THADA: variants seen among roughly 807,000 people sequenced by gnomAD.
THADA encodes the protein THADA armadillo repeat containing, also known as tRNA (32-2'-O)-methyltransferase regulator THADA.
THADA carries 213 observed loss-of-function variants against 219.8 expected under a neutral mutation model. The ratio of observed to expected loss-of-function variants is 0.97; its 90% CI spans 0.87 to 1.09. The LOEUF (loss-of-function observed/expected upper bound fraction) is 1.09. Among genes scored for constraint, THADA ranks in the 50% least tolerant of loss-of-function variants. The probability of loss-of-function intolerance (pLI) is 0.00; values close to 1 mark genes in which losing one functional copy is unlikely to be tolerated. For synonymous variants in THADA, 1,018 were observed against 828.9 expected (o/e 1.23, Z -3.92); for missense variants, 2,956 against 2,311.3 (o/e 1.28, Z -5.72).
intron 31 of THADA, among the ~76,000 whole-genome samples, chr2:43,296,730 T>A (rs931874675): frequency 4.6e-5 from 7 of 152,332 alleles, no homozygotes; most frequent in African/African-American, 1.4e-4. Context: ...CATTTCCCTA[T>A]CCTTCCTACC....
At chr2:43,487,646 T>C (rs1328775885) in intron 25 of THADA, among the ~76,000 whole-genome samples, 4 of 152,150 alleles carry the variant, frequency 2.6e-5, no homozygotes, top group South Asian at 4.1e-4. Flanking sequence ...TGGAGGCCCT[T>C]GGGAAATAAT....
intron 26 of THADA, among the ~76,000 whole-genome samples, chr2:43,465,690 C>T (rs1684148346): frequency 6.6e-6 from 1 of 152,214 alleles, no homozygotes; most frequent in African/African-American, 2.4e-5. Flanking sequence ...ACCCTAGCCC[C>T]TCTGGGTGAT....
intron 27 of THADA, 62 bp from the exon 28 acceptor site, chr2:43,428,293 CAAACAT>C: frequency 6.8e-7 from 1 of 1,469,564 alleles, no homozygotes; most frequent in South Asian, 1.2e-5. Context: ...ACTCCTCCTT[CAAACAT>C]TTTTCTCATG....
intron 30 of THADA, among the ~76,000 whole-genome samples, chr2:43,321,775 C>T (rs986251850): frequency 6.6e-6 from 1 of 152,246 alleles, no homozygotes; most frequent in African/African-American, 2.4e-5. Flanking sequence ...ACTTAAAATG[C>T]CCACCTCAGT....
intron 26 of THADA, among the ~76,000 whole-genome samples, chr2:43,451,368 C>A (rs1682309597): frequency 6.6e-6 from 1 of 152,198 alleles, no homozygotes; most frequent in African/African-American, 2.4e-5. Flanking sequence ...ATCTTTCCAA[C>A]CTACAGAAGC....
intron 22 of THADA, among the ~76,000 whole-genome samples, chr2:43,520,713 TACACAC>T (rs145550774): frequency 0.016 from 1,941 of 125,102 alleles, 50 homozygotes; most frequent in African/African-American, 0.053. Flanking sequence ...TATATATATA[TACACAC>T]ACACACACAC....
At chr2:43,508,401 G>A (rs1244276409) in intron 23 of THADA, among the ~76,000 whole-genome samples, 1 of 152,070 alleles carries the variant, frequency 6.6e-6, no homozygotes, top group African/African-American at 2.4e-5. Context: ...TTAATACACA[G>A]ACAGAAATTT....
chr2:43,427,248 T>C (rs1341978483), intron 28 of THADA, among the ~76,000 whole-genome samples: 3 of 152,084 alleles, frequency 2.0e-5, no homozygotes, highest in Non-Finnish European at 4.4e-5. Context: ...AGAAGATACA[T>C]ACCAGAACCA....
At chr2:43,364,250 T>TA (rs887423321) in intron 29 of THADA, among the ~76,000 whole-genome samples, 7 of 151,758 alleles carry the variant, frequency 4.6e-5, no homozygotes, top group Non-Finnish European at 7.4e-5. Context: ...AAATAGAAAA[T>TA]AAAAAAATTT....
At chr2:43,528,922 T>A (rs1263247455) in intron 21 of THADA, among the ~76,000 whole-genome samples, 1 of 152,096 alleles carries the variant, frequency 6.6e-6, no homozygotes, top group Non-Finnish European at 1.5e-5. Flanking sequence ...TTTAGAGAAC[T>A]TTTCATCTTC....
chr2:43,373,901 TAAATA>T (rs1369803589), intron 29 of THADA, among the ~76,000 whole-genome samples: 4 of 152,254 alleles, frequency 2.6e-5, no homozygotes, highest in Admixed American at 2.6e-4. Context: ...ATTAATGAGT[TAAATA>T]AAATCTTACA....
chr2:43,262,635 G>A (rs1440846248), intron 36 of THADA, among the ~76,000 whole-genome samples: 2 of 152,172 alleles, frequency 1.3e-5, no homozygotes, highest in African/African-American at 2.4e-5. Flanking sequence ...ATCTAAGTTC[G>A]TGTTTTTTTC....
At chr2:43,514,253 C>T (rs1216634875) in intron 22 of THADA, among the ~76,000 whole-genome samples, 1 of 150,816 alleles carries the variant, frequency 6.6e-6, no homozygotes, top group African/African-American at 2.4e-5. Flanking sequence ...AGTTTGAGAC[C>T]AGCCTGGGCA....
intron 34 of THADA, among the ~76,000 whole-genome samples, chr2:43,289,698 C>T (rs1441408859): frequency 1.3e-5 from 2 of 152,190 alleles, no homozygotes; most frequent in Non-Finnish European, 2.9e-5. Context: ...GTTGCCCAGG[C>T]TGGAGTACAG....
At chr2:43,392,347 G>A (rs1019888110) in intron 29 of THADA, among the ~76,000 whole-genome samples, 6 of 152,032 alleles carry the variant, frequency 3.9e-5, no homozygotes, top group Admixed American at 3.9e-4. Flanking sequence ...TTCTATAAAT[G>A]TTCATTTGCT....
intron 22 of THADA, among the ~76,000 whole-genome samples, chr2:43,517,320 A>T (rs1386065295): frequency 6.6e-6 from 1 of 152,190 alleles, no homozygotes; most frequent in African/African-American, 2.4e-5. Context: ...CAAAGCAATT[A>T]ATTTCACATT....
chr2:43,497,755 T>A (rs1413016183), intron 25 of THADA, among the ~76,000 whole-genome samples: 2 of 151,938 alleles, frequency 1.3e-5, no homozygotes, highest in Admixed American at 6.6e-5. Flanking sequence ...TGTGGTGGCA[T>A]CCACTTGTAG....
At chr2:43,522,204 C>T (rs1453812470) in intron 22 of THADA, among the ~76,000 whole-genome samples, 2 of 152,158 alleles carry the variant, frequency 1.3e-5, no homozygotes, top group Non-Finnish European at 2.9e-5. Context: ...AGGAACACAA[C>T]CCTGAAGCAC....
chr2:43,495,394 A>G (rs1488447004), intron 25 of THADA, among the ~76,000 whole-genome samples: 2 of 152,122 alleles, frequency 1.3e-5, no homozygotes, highest in Non-Finnish European at 2.9e-5. Flanking sequence ...AAAGAAAATA[A>G]AAACATTTAT....
Sources: allele counts gnomAD v4.1 joint callset (sites outside exome capture counted in the v4.1 genomes callset), GRCh38; gene constraint gnomAD v4.1.1; transcripts MANE v1.5; gene names NCBI Gene and HGNC (gene_info 2026-07-23, HGNC 2026-07-21).